Variants in RGS21 observed in about 807,000 individuals in gnomAD.
RGS21 encodes regulator of G-protein signalling 21.
Under a neutral mutation model 18.7 loss-of-function variants are expected in RGS21, and 19 were observed. The ratio of observed to expected loss-of-function variants is 1.01; its 90% CI spans 0.71 to 1.49. RGS21 has a LOEUF of 1.49. RGS21 is among the 40% of genes most tolerant of loss of function. The probability of loss-of-function intolerance (pLI) is 0.00; values close to 1 mark genes in which losing one functional copy is unlikely to be tolerated. For missense variants in RGS21, 194 were observed against 176.8 expected (o/e 1.10, Z -0.55); for synonymous variants, 56 against 57.8 (o/e 0.97, Z 0.14).
intron 1 of RGS21, among the ~76,000 whole-genome samples, chr1:192,333,793 C>T (rs1187752390): frequency 6.6e-6 from 1 of 151,968 alleles, no homozygotes; most frequent in Non-Finnish European, 1.5e-5. Context: ...ACAAATGTGA[C>T]AAAATGACAA....
chr1:192,340,973 C>T (rs1230741303), intron 1 of RGS21, among the ~76,000 whole-genome samples: 1 of 152,090 alleles, frequency 6.6e-6, no homozygotes, highest in Non-Finnish European at 1.5e-5. Context: ...GGTAGGGACA[C>T]AGGCAAACCA....
intron 1 of RGS21, among the ~76,000 whole-genome samples, chr1:192,341,081 C>T (rs1658852587): frequency 6.6e-6 from 1 of 152,016 alleles, no homozygotes; most frequent in Admixed American, 6.6e-5. Flanking sequence ...CTATCTCTTT[C>T]CCTGCCTTTT....
chr1:192,359,653 G>GTATATATATATATATA (rs1202366412), intron 4 of RGS21, among the ~76,000 whole-genome samples: 3,450 of 103,308 alleles, frequency 0.033, 74 homozygotes, highest in Middle Eastern at 0.053. Flanking sequence ...ATGTGTGTGT[G>GTATATATATATATATA]TGTATATATA....
chr1:192,343,303 GT>G (rs570283948), intron 2 of RGS21, among the ~76,000 whole-genome samples: 32 of 151,526 alleles, frequency 2.1e-4, no homozygotes, highest in Admixed American at 8.6e-4. Flanking sequence ...TGAACTTTAT[GT>G]TTTTTTTAAA....
At chr1:192,321,186 T>C (rs1658492450) in intron 1 of RGS21, among the ~76,000 whole-genome samples, 2 of 151,944 alleles carry the variant, frequency 1.3e-5, no homozygotes, top group Non-Finnish European at 1.5e-5. Flanking sequence ...TTCTGTTAGA[T>C]TTAGATTTCT....
At chr1:192,339,304 T>G (rs1474694825) in intron 1 of RGS21, among the ~76,000 whole-genome samples, 1 of 152,022 alleles carries the variant, frequency 6.6e-6, no homozygotes, top group Non-Finnish European at 1.5e-5. Context: ...GTACCAGAAT[T>G]AAGTTCTTAT....
At chr1:192,352,380 C>A (rs989553655) in intron 4 of RGS21, among the ~76,000 whole-genome samples, 167 bp downstream of exon 4, 1 of 151,566 alleles carries the variant, frequency 6.6e-6, no homozygotes, top group Non-Finnish European at 1.5e-5. Context: ...TCTTTTTTTT[C>A]ATTGATTCAG....
chr1:192,358,464 T>C (rs1215177030), intron 4 of RGS21, among the ~76,000 whole-genome samples: 2 of 152,034 alleles, frequency 1.3e-5, no homozygotes, highest in Non-Finnish European at 2.9e-5. Flanking sequence ...GAGGTGTTAG[T>C]GGTGATTAAA....
chr1:192,327,849 T>C (rs1441892330), intron 1 of RGS21, among the ~76,000 whole-genome samples: 3 of 152,086 alleles, frequency 2.0e-5, no homozygotes, highest in Non-Finnish European at 4.4e-5. Flanking sequence ...ATTTAGTAAA[T>C]ATAGAAAGCC....
intron 1 of RGS21, among the ~76,000 whole-genome samples, chr1:192,328,244 C>T (rs1658597152): frequency 6.6e-6 from 1 of 152,120 alleles, no homozygotes; most frequent in Non-Finnish European, 1.5e-5. Context: ...ACGTATGATA[C>T]AAGACTATTA....
chr1:192,340,463 C>T (rs1658842114), intron 1 of RGS21, among the ~76,000 whole-genome samples: 1 of 152,064 alleles, frequency 6.6e-6, no homozygotes, highest in Non-Finnish European at 1.5e-5. Context: ...GAACTTGTTA[C>T]TCTTGTCTCA....
chr1:192,333,628 C>CAAAAAAAAAAA (rs376989840), intron 1 of RGS21, among the ~76,000 whole-genome samples: 5 of 102,408 alleles, frequency 4.9e-5, no homozygotes, highest in African/African-American at 6.9e-5. Context: ...CTCAAAATGA[C>CAAAAAAAAAAA]AAAAAAAAAA....
intron 2 of RGS21, among the ~76,000 whole-genome samples, chr1:192,345,264 C>T (rs1482301242): frequency 6.6e-6 from 1 of 152,110 alleles, no homozygotes; most frequent in African/African-American, 2.4e-5. Context: ...ACCTCACATA[C>T]CTCAGAGTTG....
chr1:192,359,659 A>ATATATATATATATATATATG (rs1323703021), intron 4 of RGS21, among the ~76,000 whole-genome samples: 28 of 143,474 alleles, frequency 2.0e-4, no homozygotes, highest in African/African-American at 7.1e-4. Context: ...GTGTGTGTAT[A>ATATATATATATATATATATG]TATATATATA....
intron 4 of RGS21, among the ~76,000 whole-genome samples, chr1:192,356,177 T>G (rs1472735251): frequency 2.0e-5 from 3 of 151,834 alleles, no homozygotes. Flanking sequence ...AATATTTGTG[T>G]TTGGCTTCTT....
chr1:192,338,857 TTC>T (rs1658810369), intron 1 of RGS21, among the ~76,000 whole-genome samples: 1 of 152,074 alleles, frequency 6.6e-6, no homozygotes, highest in South Asian at 2.1e-4. Flanking sequence ...AGCTCCATTT[TTC>T]TCTGTCATTT....
chr1:192,341,096 C>T (rs1046666517), intron 1 of RGS21, among the ~76,000 whole-genome samples: 2 of 152,018 alleles, frequency 1.3e-5, no homozygotes, highest in African/African-American at 4.8e-5. Flanking sequence ...CCTTTTTCAG[C>T]TTCTAGAGGC....
intron 4 of RGS21, among the ~76,000 whole-genome samples, chr1:192,364,975 A>C (rs886213924): frequency 2.6e-5 from 4 of 152,146 alleles, no homozygotes; most frequent in African/African-American, 4.8e-5. Flanking sequence ...TCTACTACTA[A>C]TAATACAAAA....
At chr1:192,351,176 A>G (rs1184214652) in intron 3 of RGS21, among the ~76,000 whole-genome samples, 1 of 152,154 alleles carries the variant, frequency 6.6e-6, no homozygotes, top group African/African-American at 2.4e-5. Flanking sequence ...GAGAATGGGA[A>G]GCATCAATGT....
Sources: gnomAD v4.1 joint callset for allele counts (sites outside exome capture counted in the v4.1 genomes callset) on GRCh38, gnomAD v4.1.1 for gene constraint, MANE v1.5 for transcripts, NCBI Gene and HGNC (gene_info 2026-07-23, HGNC 2026-07-21) for gene names.